The following PLEKHA7 variants were observed in gnomAD, a reference collection of about 807,000 sequenced individuals.
PLEKHA7 encodes pleckstrin homology domain containing A7.
Under a neutral mutation model 170.0 loss-of-function variants are expected in PLEKHA7, and 104 were observed. The ratio of observed to expected loss-of-function variants is 0.61; its 90% CI spans 0.52 to 0.72. The LOEUF is 0.72. Ranked by LOEUF, PLEKHA7 falls within the 30% of genes least tolerant of loss-of-function variation. PLEKHA7 has a pLI of 0.00. For synonymous variants in PLEKHA7, 648 were observed against 660.8 expected, an observed-to-expected ratio of 0.98 and a Z score of 0.30; for missense variants, 1,615 against 1,671.7, an observed-to-expected ratio of 0.97 and a Z score of 0.59.
chr11:16,800,943 G>T, intron 17 of PLEKHA7, 31 bp downstream of exon 17: 1 of 1,574,234 alleles, frequency 6.4e-7, no homozygotes, highest in Non-Finnish European at 8.7e-7. Context: ...AAAAACAAGA[G>T]CTCAGAAGAG....
intron 3 of PLEKHA7, among the ~76,000 whole-genome samples, chr11:16,925,675 C>T (rs1468514702): frequency 6.6e-6 from 1 of 152,208 alleles, no homozygotes; most frequent in African/African-American, 2.4e-5. Flanking sequence ...GCGCCGGGGC[C>T]TCAGCTCGCC....
intron 3 of PLEKHA7, among the ~76,000 whole-genome samples, chr11:16,946,761 T>C (rs962949168): frequency 1.3e-5 from 2 of 152,096 alleles, no homozygotes; most frequent in African/African-American, 4.8e-5. Flanking sequence ...AGCTTTCTGT[T>C]AGACTCTGTT....
chr11:16,810,395 C>CG (rs891117950), intron 13 of PLEKHA7, among the ~76,000 whole-genome samples: 9 of 152,140 alleles, frequency 5.9e-5, no homozygotes, highest in African/African-American at 2.2e-4. Flanking sequence ...TGAGGGAAGC[C>CG]GGGGGGTGCC....
intron 9 of PLEKHA7, among the ~76,000 whole-genome samples, chr11:16,829,442 A>G (rs1374485178): frequency 6.6e-6 from 1 of 152,198 alleles, no homozygotes; most frequent in African/African-American, 2.4e-5. Flanking sequence ...CATTGTTAAC[A>G]TTCAGTGGCT....
intron 3 of PLEKHA7, among the ~76,000 whole-genome samples, chr11:17,004,254 C>A (rs1199868997): frequency 6.6e-6 from 1 of 152,098 alleles, no homozygotes; most frequent in Non-Finnish European, 1.5e-5. Context: ...GGTGAGTTGG[C>A]CTTCATTCTG....
At chr11:16,943,896 G>T (rs1291503331) in intron 3 of PLEKHA7, among the ~76,000 whole-genome samples, 1 of 152,140 alleles carries the variant, frequency 6.6e-6, no homozygotes, top group African/African-American at 2.4e-5. Flanking sequence ...CTCACTGGAG[G>T]CACTTATTTA....
At chr11:16,845,437 G>A (rs370671) in intron 8 of PLEKHA7, among the ~76,000 whole-genome samples, 14,563 of 152,152 alleles carry the variant, frequency 0.096, 800 homozygotes, top group East Asian at 0.16. Context: ...TACTGTCTTC[G>A]CTCACTGCAA....
chr11:16,831,143 C>T (rs56998902), intron 9 of PLEKHA7, among the ~76,000 whole-genome samples: 3,421 of 152,252 alleles, frequency 0.022, 136 homozygotes, highest in African/African-American at 0.078. Context: ...CCATGGCTCC[C>T]GGGACTTACA....
chr11:16,839,260 A>C (rs1488041155), intron 9 of PLEKHA7, among the ~76,000 whole-genome samples: 1 of 152,050 alleles, frequency 6.6e-6, no homozygotes, highest in African/African-American at 2.4e-5. Flanking sequence ...AATCCTATAT[A>C]TTTCTATAAG....
intron 4 of PLEKHA7, among the ~76,000 whole-genome samples, chr11:16,867,370 C>G (rs1272430941): frequency 3.9e-5 from 6 of 152,148 alleles, no homozygotes; most frequent in Admixed American, 3.9e-4. Context: ...GAATTACCTA[C>G]AAGAAACTGG....
intron 3 of PLEKHA7, among the ~76,000 whole-genome samples, chr11:16,965,717 A>C (rs757585900): frequency 1.3e-5 from 2 of 152,134 alleles, no homozygotes; most frequent in Non-Finnish European, 2.9e-5. Flanking sequence ...AACCCCATTA[A>C]CTTCTGAGGC....
At chr11:16,914,996 A>G (rs1428964513) in intron 3 of PLEKHA7, among the ~76,000 whole-genome samples, 1 of 152,196 alleles carries the variant, frequency 6.6e-6, no homozygotes, top group Admixed American at 6.5e-5. Context: ...CAGTGCCCTG[A>G]GACAGGCCAC....
intron 17 of PLEKHA7, among the ~76,000 whole-genome samples, chr11:16,795,910 C>T (rs1335030717): frequency 1.7e-5 from 2 of 116,136 alleles, no homozygotes; most frequent in Admixed American, 1.3e-4. Flanking sequence ...GGCTAGAGTA[C>T]AATGGCGCCA....
At chr11:16,796,510 C>T (rs566037977) in intron 17 of PLEKHA7, among the ~76,000 whole-genome samples, 3 of 152,076 alleles carry the variant, frequency 2.0e-5, no homozygotes, top group African/African-American at 4.8e-5. Context: ...GCAGAGGGGA[C>T]GCTGGGGGAA....
chr11:16,782,169 ACACC>A (rs1038695598), intron 26 of PLEKHA7, among the ~76,000 whole-genome samples: 41 of 151,846 alleles, frequency 2.7e-4, no homozygotes, highest in African/African-American at 5.3e-4. Context: ...GGACACACAC[ACACC>A]CACACACACA....
chr11:16,996,681 A>G (rs1358135340), intron 3 of PLEKHA7, among the ~76,000 whole-genome samples: 2 of 152,160 alleles, frequency 1.3e-5, no homozygotes, highest in Non-Finnish European at 2.9e-5. Flanking sequence ...TCATGCCTGT[A>G]ATCCCAGCAC....
chr11:16,985,704 T>C (rs192909657), intron 3 of PLEKHA7, among the ~76,000 whole-genome samples: 8 of 152,328 alleles, frequency 5.3e-5, no homozygotes, highest in Admixed American at 5.2e-4. Flanking sequence ...GACAGATATG[T>C]GAATCAATCA....
At chr11:16,912,584 G>A (rs897105618) in intron 3 of PLEKHA7, among the ~76,000 whole-genome samples, 1 of 152,202 alleles carries the variant, frequency 6.6e-6, no homozygotes, top group Non-Finnish European at 1.5e-5. Context: ...ACGAGACACG[G>A]AAGGAGGGAA....
intron 12 of PLEKHA7, 170 bp from the exon 13 acceptor site, chr11:16,813,336 G>C: frequency 1.9e-6 from 1 of 514,200 alleles, no homozygotes; most frequent in Non-Finnish European, 3.6e-6. Flanking sequence ...GTGCAGCTGA[G>C]AGCCGTCTTT....
Sources: gnomAD v4.1 joint callset for allele counts (sites outside exome capture counted in the v4.1 genomes callset) on GRCh38, gnomAD v4.1.1 for gene constraint, MANE v1.5 for transcripts, NCBI Gene and HGNC (gene_info 2026-07-23, HGNC 2026-07-21) for gene names.